The following AKAP8L variants were observed in gnomAD, a reference collection of about 807,000 sequenced individuals.
AKAP8L encodes A-kinase anchoring protein 8 like.
AKAP8L carries 34 observed loss-of-function variants against 77.5 expected under a neutral mutation model. The observed-to-expected ratio is 0.44, with a 90% CI of 0.33 to 0.58. The LOEUF is 0.58. AKAP8L is among the 20% of genes least tolerant of loss of function. The pLI is 0.02. For missense variants in AKAP8L, 806 were observed against 887.6 expected (o/e 0.91, Z 1.17); for synonymous variants, 342 against 340.7 (o/e 1.00, Z -0.04).
intron 2 of AKAP8L, among the ~76,000 whole-genome samples, chr19:15,408,454 T>G (rs1350460299): frequency 6.7e-6 from 1 of 149,438 alleles, no homozygotes; most frequent in Non-Finnish European, 1.5e-5. Context: ...TACCAGCTAT[T>G]TGGGAGGCCA....
Position 15,380,629 on chromosome 19 carries a change from A to G in AKAP8L, c.1537-17T>C, listed in dbSNP as rs1266905076. On this transcript the variant is annotated splice_polypyrimidine_tract_variant and intron_variant, in intron 12 of 13. Coordinates refer to ENST00000397410, the MANE Select transcript of AKAP8L (RefSeq NM_014371.4). ...CATCATGAGCTGCGGGCAGGGCAGAAGGAGCTGGAGAGGCTGCTCTGAGTG... is the reference window on the plus strand; with the variant it reads ...CATCATGAGCTGCGGGCAGGGCAGAGGGAGCTGGAGAGGCTGCTCTGAGTG... 1.9e-6 allele frequency: 3 copies of G among 1,611,962 alleles called. No individual in the cohort carries two copies. The highest frequency in any genetic ancestry group is 2.5e-6 in the Non-Finnish European group (3 of 1,179,444).
chr19:15,382,618 A>G (rs565586778), intron 12 of AKAP8L, among the ~76,000 whole-genome samples: 19 of 152,286 alleles, frequency 1.2e-4, no homozygotes, highest in African/African-American at 4.6e-4. Context: ...CTACTCCAAA[A>G]ACCCAAAATC....
At chr19:15,418,805 A>C in intron 1 of AKAP8L, 106 bp downstream of exon 1, 2 of 1,123,518 alleles carry the variant, frequency 1.8e-6, no homozygotes, top group South Asian at 2.7e-5. Flanking sequence ...ACCGCAGGGA[A>C]GGCAGTGACG....
intron 7 of AKAP8L, 36 bp from the exon 8 acceptor site, chr19:15,400,394 C>CT (rs113004130): frequency 0.039 from 51,972 of 1,346,884 alleles, no homozygotes; most frequent in Non-Finnish European, 0.044. Flanking sequence ...AAACAGGTGC[C>CT]TTTTTTTTTT....
At chr19:15,396,004 A>G (rs866379323) in intron 12 of AKAP8L, among the ~76,000 whole-genome samples, 4 of 147,242 alleles carry the variant, frequency 2.7e-5, no homozygotes, top group Non-Finnish European at 6.0e-5. Flanking sequence ...AAAAAAAAAG[A>G]ATCTGTTTTT....
chr19:15,400,440 A>G, intron 7 of AKAP8L, 82 bp from the exon 8 acceptor site: 2 of 1,388,184 alleles, frequency 1.4e-6, no homozygotes, highest in South Asian at 1.2e-5. Flanking sequence ...GAGCAACGGT[A>G]TATAGTAAAA....
At position 15,403,906 on chromosome 19, in the gene AKAP8L, T is replaced by A. The variant is rs1333319044; in HGVS notation, c.121+104A>T. The A allele has an allele frequency of 7.2e-7, 1 of 1,386,662 alleles. No homozygotes were observed. Among genetic ancestry groups the A allele is most frequent in the African/African-American group, 1.4e-5 (1 of 69,792 alleles). The allele number at this position is 1,386,662 out of a possible 1,614,324, so 85.9% of individuals were successfully genotyped here. ...TAAGGAGTAGGTAACCCCAGAAACA[T>A]GCCCCCTCCCCACTCCCAACCTTGG... On this transcript the variant is annotated intron_variant, in intron 3 of 13. Transcript: ENST00000397410. The surrounding 1 kb of genome is among the most constrained non-coding windows in gnomAD (Gnocchi z 4.3).
chr19:15,392,989 G>T (rs1967695900), intron 12 of AKAP8L, among the ~76,000 whole-genome samples: 2 of 150,662 alleles, frequency 1.3e-5, no homozygotes, highest in Admixed American at 1.3e-4. Flanking sequence ...CTAGATCTCA[G>T]TAAATGAAAA....
At chr19:15,409,646 GA>G (rs758334770) in intron 2 of AKAP8L, among the ~76,000 whole-genome samples, 1 of 152,204 alleles carries the variant, frequency 6.6e-6, no homozygotes, top group African/African-American at 2.4e-5. Context: ...TAGAGTCACA[GA>G]CAACCAAAAA....
chr19:15,393,139 G>A (rs1967699059), intron 12 of AKAP8L, among the ~76,000 whole-genome samples: 1 of 151,750 alleles, frequency 6.6e-6, no homozygotes, highest in African/African-American at 2.4e-5. Flanking sequence ...TTAATATCTA[G>A]ATGCAAAAAA....
At position 15,403,543 on chromosome 19, in the gene AKAP8L, G is replaced by T; in HGVS notation, c.294C>A (p.Arg98=). 6.2e-7 allele frequency: 1 copy of T among 1,613,984 alleles called. No individual in the cohort carries two copies. The highest frequency in any genetic ancestry group is 1.1e-5 in the South Asian group (1 of 91,082). The change falls in exon 4 of 14, where the codon CGC becomes CGA. Residue 98 remains arginine (R), a synonymous_variant. Coordinates refer to ENST00000397410, the MANE Select transcript of AKAP8L (RefSeq NM_014371.4). This position sits in a 1 kb window ranked among gnomAD's most constrained non-coding sequence, Gnocchi z 4.3. ...ADSVLSRINQ[R]LDMVPHLETD... ...TCTCCAAATGCGGCACCATATCTAAGCGCTGGTTAATTCTGGATAAAACGG... is the reference window on the plus strand; with the variant it reads ...TCTCCAAATGCGGCACCATATCTAATCGCTGGTTAATTCTGGATAAAACGG...
intron 1 of AKAP8L, among the ~76,000 whole-genome samples, chr19:15,416,655 T>A (rs892861685): frequency 6.6e-6 from 1 of 152,170 alleles, no homozygotes. Flanking sequence ...ATAAAGAAAC[T>A]GTGTGAGACA....
chr19:15,403,300 G>C lies in AKAP8L; in HGVS notation c.362+175C>G, dbSNP rs546916233. The C allele has an allele frequency of 1.6e-6, 1 of 633,110 alleles. No homozygotes were observed. The highest frequency in any genetic ancestry group is 2.8e-6 in the Non-Finnish European group (1 of 359,472). The allele number at this position is 633,110 out of a possible 1,614,324, so 39.2% of individuals were successfully genotyped here. ...AGTGCGGCAGGGGTTGAGGGTGGGTGAGAGGAGACACAAGTCAGAGACGGG... is the reference window on the plus strand; with the variant it reads ...AGTGCGGCAGGGGTTGAGGGTGGGTCAGAGGAGACACAAGTCAGAGACGGG... On this transcript the variant is annotated intron_variant, in intron 4 of 13. Transcript: ENST00000397410. This position sits in a 1 kb window ranked among gnomAD's most constrained non-coding sequence, Gnocchi z 4.3.
At chr19:15,406,369 G>GAA (rs1967998958) in intron 2 of AKAP8L, among the ~76,000 whole-genome samples, 1 of 130,272 alleles carries the variant, frequency 7.7e-6, no homozygotes, top group South Asian at 2.5e-4. Context: ...TAAGGAGAGA[G>GAA]AGAGAGAGAG....
chr19:15,409,342 G>C lies in AKAP8L; in HGVS notation c.88+1178C>G, dbSNP rs376853106. ...GGACTACATTTGATGAAAAGGGAGA[G>C]GCAGGGAGGGCAGCACAGGGAAGTC... On this transcript the variant is annotated intron_variant, in intron 2 of 13. Coordinates refer to ENST00000397410, the MANE Select transcript of AKAP8L (RefSeq NM_014371.4). 7.2e-5 allele frequency among the ~76,000 whole-genome samples: 11 copies of C among 152,328 alleles called. No homozygotes were observed. The South Asian group carries it at 2.1e-3, about 29-fold the overall frequency.
In AKAP8L at chr19:15,401,315, C is replaced by A. The variant is rs769200472; in HGVS notation, c.651G>T (p.Arg217=). ...TGTTCTGGGAGAAGAGGGAGGGCAG[C>A]CGAGAGGCACCAGACATGCACTGGC... is the stretch of plus-strand genomic sequence containing the variant. ...ARGQCMSGAS[R]LPSLFSQNII... The change falls in exon 5 of 14, where the codon CGG becomes CGT. Residue 217 remains arginine (R), a synonymous_variant. Transcript: ENST00000397410. The surrounding 1 kb of genome is among the most constrained non-coding windows in gnomAD (Gnocchi z 6.2). 3 of 1,613,536 alleles carry A rather than the reference C, an allele frequency of 1.9e-6. No homozygotes were observed. In the African/African-American group the frequency reaches 4.0e-5, roughly 21 times the overall value.
chr19:15,383,448 C>T (rs2145102160), intron 12 of AKAP8L: 1 of 152,330 alleles, frequency 6.6e-6, no homozygotes, highest in East Asian at 1.9e-4. Context: ...CCCACCTAAG[C>T]CTCCCAAAGT....
chr19:15,389,725 T>C (rs1446226441), intron 12 of AKAP8L, among the ~76,000 whole-genome samples: 1 of 152,008 alleles, frequency 6.6e-6, no homozygotes, highest in Non-Finnish European at 1.5e-5. Context: ...GAGCTGAGAT[T>C]GTGCCATTGC....
At chr19:15,391,729 G>A (rs1009212000) in intron 12 of AKAP8L, among the ~76,000 whole-genome samples, 5 of 151,694 alleles carry the variant, frequency 3.3e-5, no homozygotes, top group East Asian at 2.0e-4. Context: ...TAGTAGAGAC[G>A]GGGTTTCACC....
Sources: gnomAD v4.1 joint callset for allele counts (sites outside exome capture counted in the v4.1 genomes callset) on GRCh38, gnomAD v4.1.1 for gene constraint, Gnocchi (gnomAD v3.1) non-coding constraint, MANE v1.5 for transcripts, NCBI Gene and HGNC (gene_info 2026-07-23, HGNC 2026-07-21) for gene names.